The following CSMD1 variants were observed in gnomAD, a reference collection of about 807,000 sequenced individuals.
The protein encoded by CSMD1 is CUB and Sushi multiple domains 1, also known as CUB and sushi domain-containing protein 1.
A neutral mutation model predicts 417.5 loss-of-function variants in CSMD1; 213 were observed. The observed-to-expected ratio is 0.51, with a 90% CI of 0.46 to 0.57. The LOEUF (loss-of-function observed/expected upper bound fraction) is 0.57. Among genes scored for constraint, CSMD1 ranks in the 20% least tolerant of loss-of-function variants. CSMD1 has a pLI of 0.00. For synonymous variants in CSMD1, 2,862 were observed against 1,736.8 expected (o/e 1.65, Z -16.11); for missense variants, 6,923 against 4,529.7 (o/e 1.53, Z -15.17).
intron 2 of CSMD1, among the ~76,000 whole-genome samples, chr8:4,563,483 C>T (rs1002131460): frequency 3.9e-5 from 6 of 152,160 alleles, no homozygotes; most frequent in African/African-American, 1.2e-4. Context: ...CAGGCTCTCC[C>T]GTTCAGTATT....
chr8:4,433,806 G>C (rs568100062), intron 2 of CSMD1, among the ~76,000 whole-genome samples: 1 of 151,808 alleles, frequency 6.6e-6, no homozygotes, highest in East Asian at 1.9e-4. Flanking sequence ...TCTGTCCTTT[G>C]CAAGATACTT....
chr8:4,759,649 G>C (rs184612579), intron 1 of CSMD1, among the ~76,000 whole-genome samples: 5 of 152,222 alleles, frequency 3.3e-5, no homozygotes, highest in Admixed American at 6.5e-5. Context: ...CCACTTATAA[G>C]TGAGAATATG....
rs748436316 is a variant in CSMD1 at position 3,091,669 on chromosome 8, G to A, written c.7139-7C>T. ...GGACTTTGCCCAGAAGAACCTAAGT[G>A]AAACAGAAAAACAAAAACATTCAGA... On this transcript the variant is annotated splice_polypyrimidine_tract_variant and splice_region_variant and intron_variant, in intron 47 of 69. Transcript: ENST00000635120. 1.2e-6 allele frequency: 2 copies of A among 1,604,020 alleles called. No individual in the cohort carries two copies. The highest frequency in any genetic ancestry group is 1.7e-6 in the Non-Finnish European group (2 of 1,177,498).
chr8:3,732,259 T>A (rs911500977), intron 6 of CSMD1, among the ~76,000 whole-genome samples: 1 of 152,180 alleles, frequency 6.6e-6, no homozygotes, highest in Non-Finnish European at 1.5e-5. Flanking sequence ...AATTACTCGA[T>A]ACAAAGCTGC....
chr8:3,791,838 T>TAATA lies in CSMD1; in HGVS notation c.819-37797_819-37796insTATT, dbSNP rs1554438778. On this transcript the variant is annotated intron_variant, in intron 5 of 69. Transcript: ENST00000635120. ...ACTCAGTATCAAATAATAATAATAA[T>TAATA]AAAAAAATAATGTATCAAACCCTTT... Among the ~76,000 whole-genome samples, 445 of 145,494 alleles carry TAATA rather than the reference T, an allele frequency of 3.1e-3. 3 individuals are homozygous for TAATA. Among genetic ancestry groups the TAATA allele is most frequent in the African/African-American group, 0.011 (413 of 39,086 alleles).
At chr8:4,260,600 A>C (rs76462279) in intron 3 of CSMD1, among the ~76,000 whole-genome samples, 1,575 of 152,286 alleles carry the variant, frequency 0.01, 12 homozygotes, top group Non-Finnish European at 0.017. Context: ...CTGAAAACAC[A>C]TATTTGTGGT....
chr8:3,930,871 A>G (rs1810091393), intron 5 of CSMD1, among the ~76,000 whole-genome samples: 1 of 150,814 alleles, frequency 6.6e-6, no homozygotes, highest in Admixed American at 6.6e-5. Flanking sequence ...CTTACATTTT[A>G]GTCTAGTTTT....
At chr8:3,791,444 T>C (rs760618129) in intron 5 of CSMD1, among the ~76,000 whole-genome samples, 1 of 152,240 alleles carries the variant, frequency 6.6e-6, no homozygotes, top group Non-Finnish European at 1.5e-5. Context: ...CATCCTAGCA[T>C]AGTGCTGATA....
chr8:4,657,047 T>A (rs959247550), intron 1 of CSMD1, among the ~76,000 whole-genome samples: 2 of 151,966 alleles, frequency 1.3e-5, no homozygotes, highest in African/African-American at 4.8e-5. Flanking sequence ...AAGATCACAA[T>A]GGAGGCAAAT....
intron 26 of CSMD1, among the ~76,000 whole-genome samples, chr8:3,282,225 T>TCA (rs1802793057): frequency 6.6e-6 from 1 of 152,088 alleles, no homozygotes; most frequent in African/African-American, 2.4e-5. Flanking sequence ...CTGATAATGA[T>TCA]GGGTCAGTGT....
At chr8:3,067,607 G>T (rs969948650) in intron 49 of CSMD1, among the ~76,000 whole-genome samples, 1 of 149,190 alleles carries the variant, frequency 6.7e-6, no homozygotes, top group African/African-American at 2.5e-5. Context: ...ATAATATATA[G>T]TATATAATAT....
At chr8:3,844,208 G>A (rs2129095969) in intron 5 of CSMD1, among the ~76,000 whole-genome samples, 2 of 152,302 alleles carry the variant, frequency 1.3e-5, no homozygotes, top group Middle Eastern at 6.8e-3. Context: ...GAAGGGTGTT[G>A]AAGAATGAGT....
Position 4,074,629 on chromosome 8 carries a change from T to G in CSMD1, c.416-42530A>C, listed in dbSNP as rs190347736. Among the ~76,000 whole-genome samples, 20 of 152,230 alleles carry G rather than the reference T, an allele frequency of 1.3e-4. No homozygotes were observed. The East Asian group carries it at 2.1e-3, about 16-fold the overall frequency. ...CTACTGTCCTACATTTGGGCAGAAC[T>G]CACTTTTAATGTGAAATATCCATCC... is the stretch of plus-strand genomic sequence containing the variant. On this transcript the variant is annotated intron_variant, in intron 3 of 69. Transcript: ENST00000635120.
chr8:3,206,720 G>A (rs1003027012), intron 30 of CSMD1, among the ~76,000 whole-genome samples: 2 of 151,900 alleles, frequency 1.3e-5, no homozygotes, highest in Non-Finnish European at 2.9e-5. Context: ...GTGTGAATGT[G>A]TGGGTATGTC....
intron 5 of CSMD1, among the ~76,000 whole-genome samples, chr8:3,849,517 G>A (rs1473261303): frequency 2.0e-5 from 3 of 152,138 alleles, no homozygotes; most frequent in South Asian, 4.1e-4. Flanking sequence ...TGAGTAGCTC[G>A]ACGGTTAGAA....
At chr8:3,728,062 G>T (rs934477580) in intron 6 of CSMD1, among the ~76,000 whole-genome samples, 1 of 152,132 alleles carries the variant, frequency 6.6e-6, no homozygotes, top group African/African-American at 2.4e-5. Context: ...AAAGGGTTTG[G>T]CTATGACAGT....
intron 2 of CSMD1, among the ~76,000 whole-genome samples, chr8:4,449,686 G>A (rs968561349): frequency 6.6e-6 from 1 of 152,144 alleles, no homozygotes; most frequent in Non-Finnish European, 1.5e-5. Context: ...GGGATGGGAA[G>A]AGAGGGAGAG....
intron 50 of CSMD1, among the ~76,000 whole-genome samples, chr8:3,032,990 A>G (rs1810442979): frequency 6.6e-6 from 1 of 152,098 alleles, no homozygotes; most frequent in Non-Finnish European, 1.5e-5. Flanking sequence ...CTCAAGTCCA[A>G]GAGAATAATA....
At chr8:3,407,864 G>T in intron 14 of CSMD1, 35 bp downstream of exon 14, 5 of 1,533,390 alleles carry the variant, frequency 3.3e-6, no homozygotes, top group Non-Finnish European at 3.5e-6. Flanking sequence ...AGTAAAATGA[G>T]AACTTGGATG....
Sources: gnomAD v4.1 joint callset for allele counts (sites outside exome capture counted in the v4.1 genomes callset) on GRCh38, gnomAD v4.1.1 for gene constraint, MANE v1.5 for transcripts, NCBI Gene and HGNC (gene_info 2026-07-23, HGNC 2026-07-21) for gene names.